The following EDA variants were observed in gnomAD, a reference collection of about 807,000 sequenced individuals.
EDA encodes ectodysplasin-A.
In EDA, 2 loss-of-function variants were observed where a neutral mutation model predicts 23.6. That is an observed-to-expected ratio of 0.08 (90% CI 0.03 to 0.27). The LOEUF (loss-of-function observed/expected upper bound fraction) is 0.27. Ranked by LOEUF, EDA falls within the 10% of genes least tolerant of loss-of-function variation. The pLI is 1.00. For synonymous variants in EDA, 131 were observed against 132.0 expected (o/e 0.99, Z 0.05); for missense variants, 229 against 324.2 (o/e 0.71, Z 2.26).
chrX:69,865,686 AT>A (rs2017474453), intron 1 of EDA, among the ~76,000 whole-genome samples: 2 of 111,646 alleles, frequency 1.8e-5, no homozygotes, highest in African/African-American at 6.5e-5. Context: ...AGTATTAACC[AT>A]CACAAGTCCA....
intron 1 of EDA, among the ~76,000 whole-genome samples, chrX:69,673,865 A>G (rs1308963662): frequency 4.5e-5 from 5 of 111,533 alleles, no homozygotes; most frequent in African/African-American, 1.6e-4. Context: ...CAGAGTGGAT[A>G]TATTAAATTA....
chrX:69,739,091 A>C (rs1475822586), intron 1 of EDA, among the ~76,000 whole-genome samples: 2 of 111,330 alleles, frequency 1.8e-5, no homozygotes, highest in Non-Finnish European at 3.8e-5. Flanking sequence ...GGGATATTGA[A>C]GTTTCCAACT....
At chrX:69,648,695 G>A (rs1933000355) in intron 1 of EDA, among the ~76,000 whole-genome samples, 3 of 111,971 alleles carry the variant, frequency 2.7e-5, no homozygotes. Flanking sequence ...GAGGTGCTGT[G>A]GAAGTGGGGC....
intron 7 of EDA, among the ~76,000 whole-genome samples, chrX:70,034,859 A>G (rs914803555): frequency 8.9e-6 from 1 of 111,977 alleles, no homozygotes; most frequent in Non-Finnish European, 1.9e-5. Context: ...TGCAAGCTGA[A>G]TAAGCTTCTG....
At chrX:69,676,542 T>A (rs748060868) in intron 1 of EDA, among the ~76,000 whole-genome samples, 1 of 109,805 alleles carries the variant, frequency 9.1e-6, no homozygotes, top group Non-Finnish European at 1.9e-5. Context: ...GTGTGTGTAA[T>A]CTCTAATTTC....
intron 1 of EDA, among the ~76,000 whole-genome samples, chrX:69,654,417 TA>T (rs1271897749): frequency 9.0e-6 from 1 of 111,344 alleles, no homozygotes; most frequent in Non-Finnish European, 1.9e-5. Context: ...GAACTAGAAA[TA>T]CCATTTGAAC....
At chrX:69,901,298 A>G (rs772251469) in intron 1 of EDA, among the ~76,000 whole-genome samples, 2 of 112,414 alleles carry the variant, frequency 1.8e-5, no homozygotes, top group South Asian at 7.3e-4. Context: ...AAGGATTGAA[A>G]TACTGTGATA....
intron 2 of EDA, among the ~76,000 whole-genome samples, chrX:69,975,607 A>G (rs2019306695): frequency 9.0e-6 from 1 of 111,506 alleles, no homozygotes; most frequent in African/African-American, 3.3e-5. Flanking sequence ...CTGCACATGT[A>G]CTCCCTGAAT....
At chrX:69,713,507 G>T (rs1352105693) in intron 1 of EDA, among the ~76,000 whole-genome samples, 3 of 111,520 alleles carry the variant, frequency 2.7e-5, no homozygotes, top group African/African-American at 9.8e-5. Context: ...CACACCCGCT[G>T]CCTCCTTGTG....
At chrX:69,954,287 G>A (rs2147414777) in intron 1 of EDA, among the ~76,000 whole-genome samples, 1 of 110,378 alleles carries the variant, frequency 9.1e-6, no homozygotes, top group East Asian at 2.8e-4. Flanking sequence ...CTTTTTCCTG[G>A]AATTCCTTTT....
At chrX:69,717,061 T>C (rs1165059437) in intron 1 of EDA, among the ~76,000 whole-genome samples, 3 of 111,242 alleles carry the variant, frequency 2.7e-5, no homozygotes, top group Non-Finnish European at 5.7e-5. Flanking sequence ...CCTTTATTTC[T>C]GTCTCTTGTG....
chrX:69,686,284 A>G (rs1323504816), intron 1 of EDA, among the ~76,000 whole-genome samples: 1 of 112,532 alleles, frequency 8.9e-6, no homozygotes, highest in Non-Finnish European at 1.9e-5. Flanking sequence ...GGCATGAGCC[A>G]CCGCGCCCAG....
intron 1 of EDA, among the ~76,000 whole-genome samples, chrX:69,639,671 C>A (rs1441340558): frequency 9.0e-6 from 1 of 111,515 alleles, no homozygotes; most frequent in Non-Finnish European, 1.9e-5. Flanking sequence ...AACCTCTTAT[C>A]CATATATGTG....
At chrX:69,776,080 G>A (rs2014772922) in intron 1 of EDA, among the ~76,000 whole-genome samples, 1 of 111,656 alleles carries the variant, frequency 9.0e-6, no homozygotes, top group Admixed American at 9.6e-5. Context: ...TTCTTATAAT[G>A]TATTAATGGT....
chrX:69,875,615 C>T (rs2017631326), intron 1 of EDA, among the ~76,000 whole-genome samples: 1 of 111,867 alleles, frequency 8.9e-6, no homozygotes, highest in Admixed American at 9.5e-5. Context: ...GCAAATGCAA[C>T]AAAAACAAAG....
At chrX:70,015,028 C>T (rs2019927177) in intron 2 of EDA, among the ~76,000 whole-genome samples, 1 of 111,622 alleles carries the variant, frequency 9.0e-6, no homozygotes, top group Non-Finnish European at 1.9e-5. Context: ...TCCCCAAACT[C>T]GCTAGAGAGG....
chrX:69,716,485 T>C (rs1285611407), intron 1 of EDA, among the ~76,000 whole-genome samples: 1 of 111,460 alleles, frequency 9.0e-6, no homozygotes, highest in Non-Finnish European at 1.9e-5. Context: ...GTAATATAGT[T>C]TAAAGTCAGG....
chrX:69,702,848 C>T lies in EDA; in HGVS notation c.396+86144C>T, dbSNP rs758933016. ...AACTGTAAAGTCGAATGTTCATTTG[C>T]GGGCCATTTGGACCCATTATCTAAT... On this transcript the variant is annotated intron_variant, in intron 1 of 7. Coordinates refer to ENST00000374552, the MANE Select transcript of EDA (RefSeq NM_001399.5). Among the ~76,000 whole-genome samples the T allele has an allele frequency of 7.2e-5, 8 of 111,329 alleles. No homozygotes were observed. In the East Asian group the frequency reaches 1.1e-3, roughly 16 times the overall value.
At chrX:69,640,889 A>G (rs184974005) in intron 1 of EDA, among the ~76,000 whole-genome samples, 21 of 111,493 alleles carry the variant, frequency 1.9e-4, no homozygotes, top group African/African-American at 6.8e-4. Flanking sequence ...ATTTGTCTTC[A>G]CAATTTCCCT....
Sources: allele counts gnomAD v4.1 joint callset (sites outside exome capture counted in the v4.1 genomes callset), GRCh38; gene constraint gnomAD v4.1.1; transcripts MANE v1.5; gene names NCBI Gene and HGNC (gene_info 2026-07-23, HGNC 2026-07-21).